Variants in SLC9A7 observed in about 807,000 individuals in gnomAD.
SLC9A7 encodes the protein sodium/hydrogen exchanger 7.
SLC9A7 carries 19 observed loss-of-function variants against 52.6 expected under a neutral mutation model. The ratio of observed to expected loss-of-function variants is 0.36; its 90% CI spans 0.25 to 0.53. SLC9A7 has a LOEUF of 0.53. Among genes scored for constraint, SLC9A7 ranks in the 20% least tolerant of loss-of-function variants. The pLI, the probability that SLC9A7 is intolerant of heterozygous loss-of-function variation, is 0.91. For missense variants in SLC9A7, 455 were observed against 597.9 expected, an observed-to-expected ratio of 0.76 and a Z score of 2.49; for synonymous variants, 226 against 252.1, an observed-to-expected ratio of 0.90 and a Z score of 0.98.
chrX:46,631,442 AC>A (rs1943220043), intron 14 of SLC9A7, 143 bp downstream of exon 14: 1 of 470,059 alleles, frequency 2.1e-6, no homozygotes, highest in African/African-American at 2.4e-5. Flanking sequence ...CCAAACTTCA[AC>A]TTTTAATCTG....
At chrX:46,635,717 G>A (rs750801677) in intron 12 of SLC9A7, 69 bp from the exon 13 acceptor site, 1 of 764,566 alleles carries the variant, frequency 1.3e-6, no homozygotes, top group Non-Finnish European at 2.0e-6. Flanking sequence ...CTGGGCAAAT[G>A]ATCTGGACCA....
chrX:46,707,440 G>A (rs1020459208), intron 1 of SLC9A7, among the ~76,000 whole-genome samples: 5 of 111,663 alleles, frequency 4.5e-5, no homozygotes, highest in Non-Finnish European at 7.5e-5. Flanking sequence ...AAAAGCCCGC[G>A]TCACTAGCCA....
chrX:46,690,134 T>C (rs1160635817), intron 1 of SLC9A7, among the ~76,000 whole-genome samples: 2 of 112,129 alleles, frequency 1.8e-5, no homozygotes, highest in Non-Finnish European at 3.8e-5. Flanking sequence ...CTATTTACAA[T>C]AGCAAAGACT....
chrX:46,736,418 G>A (rs1283084834), intron 1 of SLC9A7, among the ~76,000 whole-genome samples: 1 of 111,791 alleles, frequency 8.9e-6, no homozygotes, highest in Non-Finnish European at 1.9e-5. Context: ...CAACATCTGT[G>A]TCATACATGA....
intron 1 of SLC9A7, among the ~76,000 whole-genome samples, chrX:46,729,818 T>C (rs1945000525): frequency 9.0e-6 from 1 of 111,687 alleles, no homozygotes; most frequent in African/African-American, 3.2e-5. Context: ...ATCTCTTGCC[T>C]TCAATGTCAA....
intron 1 of SLC9A7, among the ~76,000 whole-genome samples, chrX:46,712,032 C>A (rs1441657163): frequency 9.1e-6 from 1 of 110,487 alleles, no homozygotes; most frequent in Non-Finnish European, 1.9e-5. Flanking sequence ...TCTGGGAGGT[C>A]ATTGAACCTT....
At chrX:46,660,334 C>T (rs1409645026) in intron 7 of SLC9A7, among the ~76,000 whole-genome samples, 1 of 111,598 alleles carries the variant, frequency 9.0e-6, no homozygotes, top group African/African-American at 3.3e-5. Context: ...TCTAAAACAC[C>T]AAAAGCAATG....
intron 1 of SLC9A7, among the ~76,000 whole-genome samples, chrX:46,689,932 C>T (rs770037234): frequency 1.8e-5 from 2 of 111,421 alleles, no homozygotes; most frequent in East Asian, 2.8e-4. Flanking sequence ...CATCCATGTC[C>T]TTGCAAAGGA....
intron 3 of SLC9A7, among the ~76,000 whole-genome samples, chrX:46,674,503 T>C (rs1337084621): frequency 2.7e-5 from 3 of 111,913 alleles, no homozygotes; most frequent in Non-Finnish European, 3.8e-5. Context: ...AGGTGTTATT[T>C]GGACCATCAT....
rs551729349 is a variant in SLC9A7, at chrX:46,690,255, A to C, written c.326-7720T>G. ...CTCATCCACATTTGGTATTGCCAATATCTCTCATTTTAGCCATTCTATTGT... is the reference window on the plus strand; with the variant it reads ...CTCATCCACATTTGGTATTGCCAATCTCTCTCATTTTAGCCATTCTATTGT... On this transcript the variant is annotated intron_variant, in intron 1 of 16. Coordinates refer to ENST00000616978, the MANE Select transcript of SLC9A7 (RefSeq NM_001257291.2). Among the ~76,000 whole-genome samples the C allele has an allele frequency of 9.8e-5, 11 of 112,295 alleles. No homozygotes were observed. The South Asian group carries it at 3.7e-3, about 38-fold the overall frequency.
intron 14 of SLC9A7, among the ~76,000 whole-genome samples, chrX:46,623,659 C>T (rs747317269): frequency 9.8e-5 from 11 of 111,950 alleles, no homozygotes; most frequent in African/African-American, 3.6e-4. Flanking sequence ...TTCTGTGCTT[C>T]AGTATCCTCA....
intron 2 of SLC9A7, among the ~76,000 whole-genome samples, chrX:46,681,784 G>GA (rs1944213230): frequency 8.9e-6 from 1 of 112,183 alleles, no homozygotes; most frequent in Admixed American, 9.5e-5. Context: ...AACATTAAAT[G>GA]AAAATGCTTG....
At chrX:46,656,109 C>A (rs1323400531) in intron 7 of SLC9A7, among the ~76,000 whole-genome samples, 3 of 111,881 alleles carry the variant, frequency 2.7e-5, no homozygotes, top group Non-Finnish European at 5.6e-5. Context: ...CCAGCAGGGG[C>A]AGACTGACAC....
At chrX:46,641,022 C>T (rs775703448) in intron 12 of SLC9A7, among the ~76,000 whole-genome samples, 1 of 112,791 alleles carries the variant, frequency 8.9e-6, no homozygotes, top group South Asian at 3.6e-4. Context: ...ACAGAAGGCA[C>T]ACTCCTGGGC....
chrX:46,671,511 T>C (rs770785502), intron 4 of SLC9A7, among the ~76,000 whole-genome samples: 153 of 110,537 alleles, frequency 1.4e-3, no homozygotes, highest in Non-Finnish European at 2.4e-3. Flanking sequence ...CCTTGTGATC[T>C]GCCCGCCTCG....
chrX:46,746,524 C>T (rs994882423), intron 1 of SLC9A7, among the ~76,000 whole-genome samples: 4 of 111,887 alleles, frequency 3.6e-5, no homozygotes, highest in African/African-American at 6.5e-5. Context: ...AAATGGCCAA[C>T]CAGCATATGA....
Position 46,651,549 on chromosome X carries a change from C to A in SLC9A7, c.1148-145G>T, listed in dbSNP as rs1435197055. Reference sequence around the variant, plus strand: ...TTTTGAAACTTTCCTATTGCTGGGTCGGGCGCAGTGGCTCACACCTGTAAT... The same window carrying A: ...TTTTGAAACTTTCCTATTGCTGGGTAGGGCGCAGTGGCTCACACCTGTAAT... On this transcript the variant is annotated intron_variant, in intron 8 of 16. Transcript: ENST00000616978. 2.3e-5 allele frequency: 10 copies of A among 431,615 alleles called. No individual in the cohort carries two copies. In the African/African-American group the frequency reaches 2.5e-4, roughly 11 times the overall value. 35.6% of individuals were successfully genotyped at this position (431,615 alleles called of 1,213,427 possible).
At chrX:46,725,022 C>T (rs1172993525) in intron 1 of SLC9A7, 1 of 402,120 alleles carries the variant, frequency 2.5e-6, no homozygotes, top group Non-Finnish European at 4.4e-6. Context: ...AATACAAGAG[C>T]AATGTAATTA....
chrX:46,623,981 A>G (rs1247171531), intron 14 of SLC9A7, among the ~76,000 whole-genome samples: 1 of 111,749 alleles, frequency 8.9e-6, no homozygotes, highest in Non-Finnish European at 1.9e-5. Flanking sequence ...AGGACTGGGG[A>G]TTGAGTTAAT....
Sources: gnomAD v4.1 joint callset for allele counts (sites outside exome capture counted in the v4.1 genomes callset) on GRCh38, gnomAD v4.1.1 for gene constraint, MANE v1.5 for transcripts, NCBI Gene and HGNC (gene_info 2026-07-23, HGNC 2026-07-21) for gene names.